Variants in PTH2R observed in about 807,000 individuals in gnomAD.
PTH2R encodes PTH2 receptor.
In PTH2R, 59 loss-of-function variants were observed where a neutral mutation model predicts 60.3. The ratio of observed to expected loss-of-function variants is 0.98; its 90% CI spans 0.79 to 1.22. The LOEUF (loss-of-function observed/expected upper bound fraction) is 1.22. Ranked by LOEUF, PTH2R falls within the 50% of genes most tolerant of loss-of-function variation. The pLI is 0.00. For synonymous variants in PTH2R, 256 were observed against 243.8 expected, an observed-to-expected ratio of 1.05 and a Z score of -0.47; for missense variants, 749 against 682.6, an observed-to-expected ratio of 1.10 and a Z score of -1.08.
chr2:208,474,514 A>C (rs979866249), intron 9 of PTH2R, among the ~76,000 whole-genome samples: 2 of 152,210 alleles, frequency 1.3e-5, no homozygotes, highest in Non-Finnish European at 2.9e-5. Flanking sequence ...TAAATCACTT[A>C]ATAGGTAAAG....
chr2:208,395,857 A>G (rs1391278073), intron 1 of PTH2R, among the ~76,000 whole-genome samples: 1 of 152,204 alleles, frequency 6.6e-6, no homozygotes, highest in Non-Finnish European at 1.5e-5. Context: ...AGGCAAGACA[A>G]TCCTAAGCAA....
At chr2:208,423,588 A>G (rs191376174) in intron 1 of PTH2R, among the ~76,000 whole-genome samples, 2 of 152,328 alleles carry the variant, frequency 1.3e-5, no homozygotes, top group East Asian at 3.9e-4. Context: ...TGAAGCGTTC[A>G]GTAAATGTCT....
rs897898143 is a variant in PTH2R, at chr2:208,388,134, C to CA, written c.-259+27897_-259+27898insA. Among the ~76,000 whole-genome samples, 43 of 110,462 alleles carry CA rather than the reference C, an allele frequency of 3.9e-4. 2 individuals carry two copies. Among genetic ancestry groups the CA allele is most frequent in the Non-Finnish European group, 6.7e-4 (35 of 52,486 alleles). 72.5% of individuals were successfully genotyped at this position (110,462 alleles called of 152,430 possible). A position where few individuals can be genotyped will look rare whatever the true frequency, so the allele number is the denominator to read the frequency against. On this transcript the variant is annotated intron_variant, in intron 1 of 12. Coordinates refer to the PTH2R transcript ENST00000617735. ...ACCATTCTGGCTAACATGGTGAAAC[C>CA]CCCCCCCCCGTCTCTACTAAAAATA...
chr2:208,477,390 G>T (rs1402017044), intron 9 of PTH2R, among the ~76,000 whole-genome samples: 2 of 152,168 alleles, frequency 1.3e-5, no homozygotes, highest in African/African-American at 2.4e-5. Flanking sequence ...AGCCTGAGCA[G>T]CCGGCACTTC....
Position 208,387,501 on chromosome 2 carries a change from T to C in PTH2R, c.-259+27264T>C, listed in dbSNP as rs1701023786. 2.6e-5 allele frequency among the ~76,000 whole-genome samples: 4 copies of C among 152,208 alleles called. No individual in the cohort carries two copies. The South Asian group carries it at 8.3e-4, about 32-fold the overall frequency. On this transcript the variant is annotated intron_variant, in intron 1 of 12. Coordinates refer to the PTH2R transcript ENST00000617735. ...TTTTTGTCCCCAAATGCCTAATCAC[T>C]GAAGCTTCAGACTTTGTTGCTTTGA...
intron 4 of PTH2R, 62 bp from the exon 5 acceptor site, chr2:208,442,298 CTATT>C (rs1285711702): frequency 8.7e-7 from 1 of 1,151,428 alleles, no homozygotes; most frequent in African/African-American, 1.5e-5. Context: ...AAATGACATA[CTATT>C]TCTTTGCCAG....
At chr2:208,427,479 A>T (rs1489855337) in intron 1 of PTH2R, among the ~76,000 whole-genome samples, 2 of 152,126 alleles carry the variant, frequency 1.3e-5, no homozygotes, top group Non-Finnish European at 2.9e-5. Context: ...GTTTTTGCTT[A>T]TTCTCTCATT....
At chr2:208,417,541 CTTTTTTTTTTTT>C (rs56354728) in intron 1 of PTH2R, among the ~76,000 whole-genome samples, 6 of 87,882 alleles carry the variant, frequency 6.8e-5, no homozygotes, top group African/African-American at 1.4e-4. Context: ...AGGTGGGAAT[CTTTTTTTTTTTT>C]TTTTTTTTTT....
intron 1 of PTH2R, among the ~76,000 whole-genome samples, chr2:208,423,765 GCT>G (rs34031884): frequency 0.047 from 7,182 of 152,148 alleles, 241 homozygotes; most frequent in African/African-American, 0.1. Context: ...ATATTTTGCA[GCT>G]CTGTTTTTTT....
intron 1 of PTH2R, among the ~76,000 whole-genome samples, chr2:208,371,767 T>C (rs956152742): frequency 6.6e-6 from 1 of 152,122 alleles, no homozygotes; most frequent in Non-Finnish European, 1.5e-5. Flanking sequence ...GGTTGCAAAG[T>C]ATTAGTTTTT....
chr2:208,400,298 C>T (rs1446432515), intron 1 of PTH2R, among the ~76,000 whole-genome samples: 1 of 152,020 alleles, frequency 6.6e-6, no homozygotes, highest in Non-Finnish European at 1.5e-5. Context: ...TTTGATAGAC[C>T]TTTTCTCCTG....
At chr2:208,484,076 T>C (rs558836175) in intron 10 of PTH2R, among the ~76,000 whole-genome samples, 53 of 152,244 alleles carry the variant, frequency 3.5e-4, no homozygotes, top group Non-Finnish European at 6.2e-4. Flanking sequence ...TGTTATTACC[T>C]TTGTCTAACA....
chr2:208,430,294 T>A (rs1442211599), intron 2 of PTH2R, among the ~76,000 whole-genome samples: 1 of 152,086 alleles, frequency 6.6e-6, no homozygotes, highest in Admixed American at 6.5e-5. Context: ...GAATAAAATG[T>A]CCTTTATTTA....
At chr2:208,489,669 A>T (rs1703359288) in intron 11 of PTH2R, among the ~76,000 whole-genome samples, 1 of 152,194 alleles carries the variant, frequency 6.6e-6, no homozygotes, top group Admixed American at 6.5e-5. Flanking sequence ...TCTTAAGAAT[A>T]TACATTTGAT....
rs867970391 is a variant in PTH2R at position 208,406,965 on chromosome 2, G to C, written c.-79G>C. On this transcript the variant is annotated 5_prime_UTR_variant, in exon 1 of 13. Transcript: ENST00000272847. ...GTTACTGGCCACAAGTTTGCTCTGG[G>C]CCAGCCAAGTTGGCAACTTGGAAGC... 8 of 1,257,700 alleles carry C rather than the reference G, an allele frequency of 6.4e-6. No homozygotes were observed. In the South Asian group the frequency reaches 1.9e-4, roughly 30 times the overall value. 77.9% of individuals were successfully genotyped at this position (1,257,700 alleles called of 1,614,324 possible).
At chr2:208,428,168 A>T in intron 1 of PTH2R, 33 bp from the exon 2 acceptor site, 1 of 1,505,024 alleles carries the variant, frequency 6.6e-7, no homozygotes, top group Non-Finnish European at 9.2e-7. Flanking sequence ...AAAAAACATG[A>T]TGAAAATGTT....
At chr2:208,467,183 T>C (rs903572444) in intron 9 of PTH2R, among the ~76,000 whole-genome samples, 3 of 152,168 alleles carry the variant, frequency 2.0e-5, no homozygotes, top group African/African-American at 7.2e-5. Flanking sequence ...CTCTGATGCA[T>C]TTTAAAAAGT....
At position 208,493,189 on chromosome 2, in the gene PTH2R, G is replaced by A. The variant is rs1286741939; in HGVS notation, c.1258-75G>A. 8.0e-6 allele frequency: 11 copies of A among 1,369,454 alleles called. No individual in the cohort carries two copies. The Admixed American group carries it at 1.6e-4, about 20-fold the overall frequency. 84.8% of individuals were successfully genotyped at this position (1,369,454 alleles called of 1,614,324 possible). A position where few individuals can be genotyped will look rare whatever the true frequency, so the allele number is the denominator to read the frequency against. Reference sequence around the variant, plus strand: ...TGATTATTGCTGTCATTGAAATCAAGGCAAACATCTTTGTAACAAGGCTGC... The same window carrying A: ...TGATTATTGCTGTCATTGAAATCAAAGCAAACATCTTTGTAACAAGGCTGC... On this transcript the variant is annotated intron_variant, in intron 12 of 12. Transcript: ENST00000272847.
Position 208,443,436 on chromosome 2 carries a change from G to A in PTH2R, c.598G>A (p.Val200Ile). The stretch of plus-strand genomic sequence containing the variant: ...TACAAGCATCTTTGTCAAAGACAGA[G>A]TAGTCCATGCTCACATAGGAGTAAA... ...RATSIFVKDR[V>I]VHAHIGVKEL... Residue 200 changes from valine to isoleucine, a missense_variant, in exon 6 of 13, where the codon GTA (valine) becomes ATA (isoleucine). Coordinates refer to ENST00000272847, the MANE Select transcript of PTH2R (RefSeq NM_005048.4). 1 of 1,613,734 alleles carries A rather than the reference G, an allele frequency of 6.2e-7. No homozygotes were observed. Among genetic ancestry groups the A allele is most frequent in the Non-Finnish European group, 8.5e-7 (1 of 1,179,780 alleles).
Sources: allele counts gnomAD v4.1 joint callset (sites outside exome capture counted in the v4.1 genomes callset), GRCh38; gene constraint gnomAD v4.1.1; transcripts MANE v1.5; gene names NCBI Gene and HGNC (gene_info 2026-07-23, HGNC 2026-07-21).